STAT5A: variants seen among roughly 807,000 people sequenced by gnomAD.
The protein encoded by STAT5A is epididymis secretory sperm binding protein.
In STAT5A, 26 loss-of-function variants were observed where a neutral mutation model predicts 100.2. The ratio of observed to expected loss-of-function variants is 0.26; its 90% CI spans 0.19 to 0.36. STAT5A has a LOEUF of 0.36. Ranked by LOEUF, STAT5A falls within the 10% of genes least tolerant of loss-of-function variation. STAT5A has a pLI of 1.00. For synonymous variants in STAT5A, 330 were observed against 424.3 expected (o/e 0.78, Z 2.73); for missense variants, 634 against 1,027.5 (o/e 0.62, Z 5.24).
intron 12 of STAT5A, among the ~76,000 whole-genome samples, chr17:42,305,952 T>C (rs1296355634): frequency 6.6e-6 from 1 of 152,198 alleles, no homozygotes; most frequent in Non-Finnish European, 1.5e-5. Context: ...TGGTCTGGGA[T>C]CCTCCTTTGG....
intron 18 of STAT5A, 21 bp downstream of exon 18, chr17:42,309,505 G>A: frequency 6.2e-7 from 1 of 1,610,404 alleles, no homozygotes; most frequent in Non-Finnish European, 8.5e-7. Context: ...TTCTCATGGG[G>A]TCCGCAGGGG....
chr17:42,297,568 G>A (rs2080930804), intron 5 of STAT5A, among the ~76,000 whole-genome samples: 1 of 151,558 alleles, frequency 6.6e-6, no homozygotes, highest in Admixed American at 6.6e-5. Context: ...GTGGAGTAGG[G>A]AAATTGCTTC....
In STAT5A at chr17:42,299,739, T is replaced by G. The variant is rs376620901; in HGVS notation, c.551-12T>G. On this transcript the variant is annotated splice_polypyrimidine_tract_variant and intron_variant, in intron 5 of 18. Transcript: ENST00000590949. ...GGAGGTGATGGTCATGGTTTCCTCT[T>G]CTCTCCTCTAGCTCAGTTTGCCCAG... is the stretch of plus-strand genomic sequence containing the variant. 1 of 1,614,134 alleles carries G rather than the reference T, an allele frequency of 6.2e-7. No individual in the cohort carries two copies. The highest frequency in any genetic ancestry group is 1.1e-5 in the South Asian group (1 of 91,084).
intron 5 of STAT5A, among the ~76,000 whole-genome samples, chr17:42,296,763 G>A (rs1005134062): frequency 5.3e-5 from 8 of 151,794 alleles, no homozygotes; most frequent in Admixed American, 3.3e-4. Flanking sequence ...TCAGTCTCCC[G>A]CATAGCTGGG....
Position 42,308,360 on chromosome 17 carries a change from G to A in STAT5A, c.2062+27G>A. 2 of 1,613,734 alleles carry A rather than the reference G, an allele frequency of 1.2e-6. No homozygotes were observed. The highest frequency in any genetic ancestry group is 1.7e-6 in the Non-Finnish European group (2 of 1,179,904). On this transcript the variant is annotated intron_variant, in intron 16 of 18. Coordinates refer to ENST00000590949, the MANE Select transcript of STAT5A (RefSeq NM_001288718.2). This position sits in a 1 kb window ranked among gnomAD's most constrained non-coding sequence, Gnocchi z 4.6. ...TGGGTACTGCCCCAGGACCCTGCCG[G>A]CTGACTCCCCCGGGCTCTTCCCCAG...
chr17:42,308,979 C>T lies in STAT5A; in HGVS notation c.2063-68C>T, dbSNP rs1035624131. 9 of 1,587,222 alleles carry T rather than the reference C, an allele frequency of 5.7e-6. No homozygotes were observed. The highest frequency in any genetic ancestry group is 1.7e-5 in the Admixed American group (1 of 59,902). On this transcript the variant is annotated intron_variant, in intron 16 of 18. Coordinates refer to ENST00000590949, the MANE Select transcript of STAT5A (RefSeq NM_001288718.2). This position sits in a 1 kb window ranked among gnomAD's most constrained non-coding sequence, Gnocchi z 4.6. Reference sequence around the variant, plus strand: ...TGAGCAGGAGGGAGACTACATGGGGCGTGGGCTTCCACCCCACTTGGGAGT... The same window carrying T: ...TGAGCAGGAGGGAGACTACATGGGGTGTGGGCTTCCACCCCACTTGGGAGT...
At chr17:42,301,191 G>A in intron 8 of STAT5A, 84 bp from the exon 9 acceptor site, 1 of 1,559,048 alleles carries the variant, frequency 6.4e-7, no homozygotes, top group Non-Finnish European at 8.7e-7. Context: ...ATGGGAGGCA[G>A]CCCCACCCCC....
intron 2 of STAT5A, 25 bp from the exon 3 acceptor site, chr17:42,289,841 T>C (rs1431513746): frequency 6.7e-7 from 1 of 1,494,748 alleles, no homozygotes; most frequent in Admixed American, 2.4e-5. Flanking sequence ...CCACAGTAGG[T>C]TTTTCTCTTC....
chr17:42,301,020 G>T, intron 8 of STAT5A, 150 bp downstream of exon 8: 1 of 1,514,758 alleles, frequency 6.6e-7, no homozygotes, highest in Non-Finnish European at 8.9e-7. Flanking sequence ...GCTAGGTGCC[G>T]CCCTTGCCCA....
At position 42,308,288 on chromosome 17, in the gene STAT5A, C is replaced by T; in HGVS notation, c.2017C>T (p.Arg673Cys). 1 of 1,614,180 alleles carries T rather than the reference C, an allele frequency of 6.2e-7. No homozygotes were observed. Among genetic ancestry groups the T allele is most frequent in the Non-Finnish European group, 8.5e-7 (1 of 1,180,032 alleles). The change falls in exon 16 of 19, where the codon CGC (arginine) becomes TGC (cysteine). Residue 673 changes from arginine (R) to cysteine (C), a missense_variant. Coordinates refer to ENST00000590949, the MANE Select transcript of STAT5A (RefSeq NM_001288718.2). The surrounding 1 kb of genome is among the most constrained non-coding windows in gnomAD (Gnocchi z 4.6). The part of the protein sequence containing the change: ...LSYLIYVFPD[R>C]PKDEVFSKYY... The stretch of plus-strand genomic sequence containing the variant: ...CTATCTCATCTATGTGTTTCCTGAC[C>T]GCCCCAAGGATGAGGTCTTCTCCAA...
chr17:42,289,342 G>A, intron 1 of STAT5A, 60 bp from the exon 2 acceptor site: 1 of 1,486,992 alleles, frequency 6.7e-7, no homozygotes, highest in South Asian at 1.3e-5. Context: ...CAAGGCCAGG[G>A]GCAGGCCCGG....
intron 1 of STAT5A, 84 bp from the exon 2 acceptor site, chr17:42,289,318 A>T (rs992182316): frequency 7.0e-7 from 1 of 1,427,776 alleles, no homozygotes; most frequent in Non-Finnish European, 9.2e-7. Flanking sequence ...CGGTCCAGGG[A>T]TAGGTAGGCA....
chr17:42,288,173 G>A (rs1308341746), upstream of STAT5A: 1 of 152,204 alleles, frequency 6.6e-6, no homozygotes, highest in Non-Finnish European at 1.5e-5. The surrounding 1 kb of genome is among the most constrained non-coding windows in gnomAD (Gnocchi z 4.8). Flanking sequence ...CCAGAGCCCG[G>A]GATTTCCCGG....
chr17:42,290,586 A>C (rs2080860824), intron 3 of STAT5A, among the ~76,000 whole-genome samples: 1 of 152,142 alleles, frequency 6.6e-6, no homozygotes, highest in South Asian at 2.1e-4. Context: ...AGAGCCCTTC[A>C]ATACAGACAG....
rs145320932 is a variant in STAT5A, at chr17:42,311,267, T to C, written c.*598T>C. On this transcript the variant is annotated 3_prime_UTR_variant, in exon 19 of 19. Coordinates refer to ENST00000590949, the MANE Select transcript of STAT5A (RefSeq NM_001288718.2). Reference sequence around the variant, plus strand: ...GACTCCAGACTCTCTGTGAACCCTATGAGAGCGCGTCTGGGCCCGGCCATG... The same window carrying C: ...GACTCCAGACTCTCTGTGAACCCTACGAGAGCGCGTCTGGGCCCGGCCATG... The C allele has an allele frequency of 1.3e-5, 2 of 156,472 alleles. No homozygotes were observed. Among genetic ancestry groups the C allele is most frequent in the Non-Finnish European group, 2.8e-5 (2 of 70,272 alleles). The allele number at this position is 156,472 out of a possible 1,614,324, so 9.7% of individuals were successfully genotyped here.
chr17:42,301,554 C>T, intron 9 of STAT5A, 100 bp downstream of exon 9: 1 of 1,511,208 alleles, frequency 6.6e-7, no homozygotes, highest in Non-Finnish European at 9.0e-7. Flanking sequence ...CCCTAGTTCA[C>T]CGTGTTGCCC....
chr17:42,300,578 G>T (rs2080967251), intron 7 of STAT5A, 137 bp from the exon 8 acceptor site: 1 of 768,266 alleles, frequency 1.3e-6, no homozygotes, highest in Admixed American at 2.8e-5. Flanking sequence ...GGGAGGCAGG[G>T]AGCTCTGCTC....
chr17:42,307,559 C>T (rs754555372), intron 14 of STAT5A, 34 bp from the exon 15 acceptor site: 20 of 1,613,162 alleles, frequency 1.2e-5, no homozygotes, highest in Non-Finnish European at 1.4e-5. Flanking sequence ...GTGGCTGTGG[C>T]CCAGTGGTGA....
intron 3 of STAT5A, among the ~76,000 whole-genome samples, chr17:42,290,696 G>A (rs1385349337): frequency 6.6e-6 from 1 of 152,216 alleles, no homozygotes; most frequent in Non-Finnish European, 1.5e-5. Flanking sequence ...ATGGTGGGAA[G>A]TACCTTGACC....
Sources: allele counts gnomAD v4.1 joint callset (sites outside exome capture counted in the v4.1 genomes callset), GRCh38; gene constraint gnomAD v4.1.1; non-coding constraint Gnocchi (gnomAD v3.1); transcripts MANE v1.5; gene names NCBI Gene and HGNC (gene_info 2026-07-23, HGNC 2026-07-21).